AKR1D1: variants seen among roughly 807,000 people sequenced by gnomAD.
AKR1D1 encodes the protein delta(4)-3-ketosteroid 5-beta-reductase.
Under a neutral mutation model 42.6 loss-of-function variants are expected in AKR1D1, and 32 were observed. The ratio of observed to expected loss-of-function variants is 0.75; its 90% CI spans 0.57 to 1.01. The LOEUF (loss-of-function observed/expected upper bound fraction) is 1.01, where lower values mean the gene tolerates loss of function less well. Among genes scored for constraint, AKR1D1 ranks in the 50% least tolerant of loss-of-function variants. AKR1D1 has a pLI of 0.00. For missense variants in AKR1D1, 364 were observed against 402.2 expected, an observed-to-expected ratio of 0.91 and a Z score of 0.81; for synonymous variants, 123 against 135.5, an observed-to-expected ratio of 0.91 and a Z score of 0.64.
chr7:138,101,297 T>A (rs1443864575), intron 4 of AKR1D1, among the ~76,000 whole-genome samples: 1 of 151,762 alleles, frequency 6.6e-6, no homozygotes, highest in Non-Finnish European at 1.5e-5. Flanking sequence ...CCTCTCGGGT[T>A]CAATCGATTC....
At chr7:138,091,964 C>A in intron 3 of AKR1D1, 80 bp downstream of exon 3, 1 of 793,836 alleles carries the variant, frequency 1.3e-6, no homozygotes, top group Non-Finnish European at 2.3e-6. Context: ...AGCTCTGCAC[C>A]ATGAGCCAAT....
chr7:138,082,073 G>A (rs192930134), intron 1 of AKR1D1, among the ~76,000 whole-genome samples: 80 of 152,296 alleles, frequency 5.3e-4, no homozygotes, highest in African/African-American at 1.8e-3. Flanking sequence ...CAGCTTCTGC[G>A]TCATTTTCAA....
chr7:138,116,814 T>G lies in AKR1D1; in HGVS notation c.*152T>G. 1 of 663,556 alleles carries G rather than the reference T, an allele frequency of 1.5e-6. No individual in the cohort carries two copies. The highest frequency in any genetic ancestry group is 2.2e-5 in the South Asian group (1 of 45,140). The allele number at this position is 663,556 out of a possible 1,614,324, so 41.1% of individuals were successfully genotyped here. A position where few individuals can be genotyped will look rare whatever the true frequency, so the allele number is the denominator to read the frequency against. Reference sequence around the variant, plus strand: ...ATGTTTAATGTTTGTGCAGTGTAAATGACTTTGACTCAGTCACATTGAAGT... The same window carrying G: ...ATGTTTAATGTTTGTGCAGTGTAAAGGACTTTGACTCAGTCACATTGAAGT... On this transcript the variant is annotated 3_prime_UTR_variant, in exon 9 of 9. Transcript: ENST00000242375.
At chr7:138,103,758 T>A (rs1348205526) in intron 4 of AKR1D1, among the ~76,000 whole-genome samples, 4 of 152,088 alleles carry the variant, frequency 2.6e-5, no homozygotes, top group Non-Finnish European at 5.9e-5. Flanking sequence ...AGATGAAAGA[T>A]TGAATTTACC....
rs779758762 is a variant in AKR1D1 at position 138,088,694 on chromosome 7, G to A, written c.187G>A (p.Glu63Lys). The change falls in exon 2 of 9, where the codon GAA becomes AAA. Residue 63 changes from glutamate to lysine, a missense_variant. Coordinates refer to ENST00000242375, the MANE Select transcript of AKR1D1 (RefSeq NM_005989.4). ...GGCCTACATCTACCAAAATGAACACGAAGTTGGGGAGGCCATCAGGGAGAA... is the reference window on the plus strand; with the variant it reads ...GGCCTACATCTACCAAAATGAACACAAAGTTGGGGAGGCCATCAGGGAGAA... ...DGAYIYQNEH[E>K]VGEAIREKIA... 1.5e-5 allele frequency: 24 copies of A among 1,613,752 alleles called. No homozygotes were observed. Among genetic ancestry groups the A allele is most frequent in the South Asian group, 9.9e-5 (9 of 91,024 alleles).
chr7:138,113,085 G>A (rs918150735), intron 7 of AKR1D1, among the ~76,000 whole-genome samples: 1 of 152,192 alleles, frequency 6.6e-6, no homozygotes, highest in Admixed American at 6.5e-5. Context: ...GGGAGGCTGA[G>A]GTGGGAGGAT....
In AKR1D1 at chr7:138,116,996, C is replaced by A; in HGVS notation, c.*334C>A. ...AGTAATTTATGAATCTGGGTAGTAG[C>A]GTTGGTAATCTGAGTTCTTTAAGGG... is the stretch of plus-strand genomic sequence containing the variant. On this transcript the variant is annotated 3_prime_UTR_variant, in exon 9 of 9. Coordinates refer to ENST00000242375, the MANE Select transcript of AKR1D1 (RefSeq NM_005989.4). 3.8e-6 allele frequency: 1 copy of A among 265,082 alleles called. No homozygotes were observed. Among genetic ancestry groups the A allele is most frequent in the South Asian group, 6.4e-5 (1 of 15,716 alleles). 16.4% of individuals were successfully genotyped at this position (265,082 alleles called of 1,614,324 possible).
chr7:138,082,240 T>C (rs1803073913), intron 1 of AKR1D1, among the ~76,000 whole-genome samples: 1 of 152,220 alleles, frequency 6.6e-6, no homozygotes, highest in South Asian at 2.1e-4. Context: ...TTTTGTTTGC[T>C]TGTTTGTTTT....
intron 2 of AKR1D1, among the ~76,000 whole-genome samples, chr7:138,089,560 AT>A (rs1333492209): frequency 6.6e-6 from 1 of 152,034 alleles, no homozygotes; most frequent in Non-Finnish European, 1.5e-5. Flanking sequence ...ATTTCTTACT[AT>A]GATAGAGGCT....
chr7:138,084,355 C>T (rs1237761697), intron 1 of AKR1D1, among the ~76,000 whole-genome samples: 2 of 149,800 alleles, frequency 1.3e-5, no homozygotes, highest in Non-Finnish European at 3.0e-5. Flanking sequence ...TTCTGCCTCC[C>T]AGGCTCAAGC....
intron 3 of AKR1D1, among the ~76,000 whole-genome samples, chr7:138,093,330 G>A (rs141355533): frequency 0.016 from 2,466 of 152,250 alleles, 66 homozygotes; most frequent in African/African-American, 0.055. Flanking sequence ...GCCTCCCAAA[G>A]TGTTGGGATT....
chr7:138,117,287 G>A lies in AKR1D1; in HGVS notation c.*625G>A, dbSNP rs913844511. On this transcript the variant is annotated 3_prime_UTR_variant, in exon 9 of 9. Coordinates refer to ENST00000242375, the MANE Select transcript of AKR1D1 (RefSeq NM_005989.4). Reference sequence around the variant, plus strand: ...ATGTTTAGTTTTTATCCAACCTGAGGAATGAAAACTTAACTGGATCTCTCT... The same window carrying A: ...ATGTTTAGTTTTTATCCAACCTGAGAAATGAAAACTTAACTGGATCTCTCT... 1 of 152,830 alleles carries A rather than the reference G, an allele frequency of 6.5e-6. No individual in the cohort carries two copies. Among genetic ancestry groups the A allele is most frequent in the Non-Finnish European group, 1.5e-5 (1 of 68,238 alleles). The allele number at this position is 152,830 out of a possible 1,614,324, so 9.5% of individuals were successfully genotyped here.
chr7:138,091,819 A>G lies in AKR1D1; in HGVS notation c.313A>G (p.Thr105Ala), dbSNP rs376123232. The G allele has an allele frequency of 2.5e-6, 4 of 1,614,050 alleles. No homozygotes were observed. The highest frequency in any genetic ancestry group is 3.4e-6 in the Non-Finnish European group (4 of 1,180,016). Residue 105 changes from threonine (T) to alanine (A), a missense_variant, in exon 3 of 9, where the codon ACA (threonine) becomes GCA (alanine). Transcript: ENST00000242375. ...GATGGTCCGCCCAACCCTGGAGAGG[A>G]CACTCAGGGTCCTCCAGCTAGATTA... ...PEMVRPTLER[T>A]LRVLQLDYVD...
At chr7:138,114,717 A>C (rs1794602700) in intron 8 of AKR1D1, among the ~76,000 whole-genome samples, 1 of 151,848 alleles carries the variant, frequency 6.6e-6, no homozygotes, top group Admixed American at 6.6e-5. Flanking sequence ...AGATATACAC[A>C]CACATATACA....
chr7:138,089,771 C>A (rs1794026556), intron 2 of AKR1D1, among the ~76,000 whole-genome samples: 1 of 152,156 alleles, frequency 6.6e-6, no homozygotes, highest in South Asian at 2.1e-4. Flanking sequence ...ACAGTGTGTG[C>A]AGCTGAGTTC....
Position 138,091,010 on chromosome 7 carries a change from C to G in AKR1D1, c.262-758C>G, listed in dbSNP as rs574753375. 4.6e-5 allele frequency among the ~76,000 whole-genome samples: 7 copies of G among 152,340 alleles called. No individual in the cohort carries two copies. In the South Asian group the frequency reaches 8.3e-4, roughly 18 times the overall value. ...GTGAAGCCACACGCATAACCATATT[C>G]CTTGCTCATTTTATCAGAGTGGCAT... On this transcript the variant is annotated intron_variant, in intron 2 of 8. Transcript: ENST00000242375.
At chr7:138,096,729 G>A (rs970836806) in intron 3 of AKR1D1, among the ~76,000 whole-genome samples, 7 of 152,114 alleles carry the variant, frequency 4.6e-5, no homozygotes, top group South Asian at 2.1e-4. Flanking sequence ...CATGGTGTTC[G>A]TGACATCTCA....
Position 138,107,464 on chromosome 7 carries a change from T to C in AKR1D1, c.739T>C (p.Leu247=), listed in dbSNP as rs753825854. The part of the protein sequence containing the change: ...PLLKDALLNS[L]GKRYNKTAAQ... ...GTTAAAGGATGCACTTCTAAACTCA[T>C]TGGGGAAAAGGTACAATAAGACAGC... Residue 247 remains leucine, a synonymous_variant, in exon 7 of 9, where the codon TTG becomes CTG. Coordinates refer to ENST00000242375, the MANE Select transcript of AKR1D1 (RefSeq NM_005989.4). 69 of 1,614,046 alleles carry C rather than the reference T, an allele frequency of 4.3e-5. No homozygotes were observed. Among genetic ancestry groups the C allele is most frequent in the South Asian group, 3.6e-4 (33 of 91,088 alleles).
chr7:138,104,161 A>G (rs763303848), intron 4 of AKR1D1, among the ~76,000 whole-genome samples: 81 of 152,220 alleles, frequency 5.3e-4, no homozygotes, highest in Non-Finnish European at 9.3e-4. Flanking sequence ...GAAGAACATT[A>G]ATAAATCACC....
Sources: gnomAD v4.1 joint callset for allele counts (sites outside exome capture counted in the v4.1 genomes callset) on GRCh38, gnomAD v4.1.1 for gene constraint, MANE v1.5 for transcripts, NCBI Gene and HGNC (gene_info 2026-07-23, HGNC 2026-07-21) for gene names.